The following TECTA variants were observed in gnomAD, a reference collection of about 807,000 sequenced individuals.
TECTA encodes the protein tectorin alpha.
Under a neutral mutation model 216.8 loss-of-function variants are expected in TECTA, and 128 were observed. The observed-to-expected ratio is 0.59, with a 90% confidence interval of 0.51 to 0.68. The LOEUF is 0.68. TECTA is among the 30% of genes least tolerant of loss of function. The pLI, the probability that TECTA is intolerant of heterozygous loss-of-function variation, is 0.00. For synonymous variants in TECTA, 1,089 were observed against 1,117.1 expected, an observed-to-expected ratio of 0.97 and a Z score of 0.50; for missense variants, 2,551 against 2,786.2, an observed-to-expected ratio of 0.92 and a Z score of 1.90.
At chr11:121,175,939 T>C (rs1228153173) in intron 20 of TECTA, among the ~76,000 whole-genome samples, 1 of 152,206 alleles carries the variant, frequency 6.6e-6, no homozygotes, top group Non-Finnish European at 1.5e-5. Context: ...TTTACCATTA[T>C]GTAATGGCCT....
intron 21 of TECTA, 88 bp downstream of exon 21, chr11:121,188,082 G>A (rs1007673883): frequency 5.2e-5 from 75 of 1,436,516 alleles, no homozygotes; most frequent in Non-Finnish European, 6.4e-5. Context: ...CCAGGTGACC[G>A]GACTGGAATC....
intron 20 of TECTA, among the ~76,000 whole-genome samples, chr11:121,173,580 C>T (rs1220363): frequency 0.98 from 104,169 of 106,034 alleles, 51,197 homozygotes; most frequent in East Asian, 1. Context: ...CCATGCTGTT[C>T]TGGTTACTGT....
At chr11:121,151,536 G>A (rs945234050) in intron 12 of TECTA, among the ~76,000 whole-genome samples, 3 of 152,148 alleles carry the variant, frequency 2.0e-5, no homozygotes, top group Non-Finnish European at 2.9e-5. Flanking sequence ...ATGCTTATGT[G>A]CATACACACA....
At chr11:121,160,496 G>T in intron 15 of TECTA, 75 bp downstream of exon 15, 1 of 1,583,068 alleles carries the variant, frequency 6.3e-7, no homozygotes, top group Admixed American at 1.7e-5. Flanking sequence ...TGTGAATGAG[G>T]AATGCCTTTT....
chr11:121,166,455 T>C, intron 17 of TECTA, 123 bp from the exon 18 acceptor site: 1 of 939,238 alleles, frequency 1.1e-6, no homozygotes, highest in Non-Finnish European at 1.7e-6. Context: ...TTAGAAATGC[T>C]GCAGCCTTGG....
chr11:121,137,358 G>T, intron 10 of TECTA, 63 bp from the exon 11 acceptor site: 4 of 1,608,946 alleles, frequency 2.5e-6, no homozygotes, highest in East Asian at 4.5e-5. Context: ...ATGCATGCAC[G>T]CACACTTCTG....
At chr11:121,147,409 G>C (rs981643069) in intron 12 of TECTA, among the ~76,000 whole-genome samples, 2 of 152,210 alleles carry the variant, frequency 1.3e-5, no homozygotes, top group African/African-American at 4.8e-5. Context: ...GTGGGAGGAA[G>C]ATGAAGGCGG....
intron 12 of TECTA, 30 bp downstream of exon 12, chr11:121,146,146 G>A: frequency 6.3e-7 from 1 of 1,599,588 alleles, no homozygotes; most frequent in Non-Finnish European, 8.5e-7. Context: ...CCTCCTTGTA[G>A]CTTCTCCTCT....
chr11:121,109,075 G>A (rs942158065), intron 3 of TECTA, 136 bp from the exon 4 acceptor site: 39 of 910,960 alleles, frequency 4.3e-5, no homozygotes, highest in African/African-American at 1.2e-4. Context: ...AATGGAACCC[G>A]GTGTTTGGGG....
intron 20 of TECTA, among the ~76,000 whole-genome samples, chr11:121,183,326 G>A (rs59174011): frequency 0.032 from 4,897 of 152,182 alleles, 264 homozygotes; most frequent in African/African-American, 0.11. Context: ...GCTGGAGGGT[G>A]TGCGATTCAG....
chr11:121,159,352 G>A (rs1239369836), intron 14 of TECTA, among the ~76,000 whole-genome samples: 1 of 152,132 alleles, frequency 6.6e-6, no homozygotes, highest in Non-Finnish European at 1.5e-5. Flanking sequence ...GACCACCCAA[G>A]AGAGCAAAAC....
At chr11:121,126,146 T>C (rs561016653) in intron 8 of TECTA, among the ~76,000 whole-genome samples, 2 of 152,298 alleles carry the variant, frequency 1.3e-5, no homozygotes, top group Non-Finnish European at 1.5e-5. Context: ...GGACGGCAGC[T>C]CCAGAGTTGA....
intron 17 of TECTA, 129 bp from the exon 18 acceptor site, chr11:121,166,449 A>G: frequency 2.2e-6 from 2 of 901,030 alleles, no homozygotes; most frequent in Non-Finnish European, 3.6e-6. Flanking sequence ...GCATAATTAG[A>G]AATGCTGCAG....
intron 6 of TECTA, among the ~76,000 whole-genome samples, chr11:121,118,069 A>G (rs1427053935): frequency 6.6e-6 from 1 of 152,220 alleles, no homozygotes; most frequent in Admixed American, 6.5e-5. Flanking sequence ...GACGGGATTC[A>G]GACAGACTCC....
chr11:121,147,444 C>G (rs1946848530), intron 12 of TECTA, among the ~76,000 whole-genome samples: 1 of 152,128 alleles, frequency 6.6e-6, no homozygotes. Context: ...CCCATTTCAT[C>G]CAGGCTCAGT....
In TECTA at chr11:121,168,132, G is replaced by T; in HGVS notation, c.5665G>T (p.Asp1889Tyr). Residue 1889 changes from aspartate (D) to tyrosine (Y), a missense_variant, in exon 19 of 24, where the codon GAC becomes TAC. Asp to Tyr is a radical substitution (Grantham distance 160). Coordinates refer to ENST00000392793, the MANE Select transcript of TECTA (RefSeq NM_005422.4). ...CAACACTGGCAACATCATCACCAGG[G>T]ACCGCACGATCAATGTGGAATTTTC... ...ANNTGNIITR[D>Y]RTINVEFSCA... 6.2e-7 allele frequency: 1 copy of T among 1,614,192 alleles called. No homozygotes were observed. The highest frequency in any genetic ancestry group is 8.5e-7 in the Non-Finnish European group (1 of 1,180,032).
At chr11:121,140,744 C>T (rs1488892299) in intron 11 of TECTA, among the ~76,000 whole-genome samples, 2 of 152,170 alleles carry the variant, frequency 1.3e-5, no homozygotes, top group African/African-American at 4.8e-5. Context: ...TCTCTGCCTC[C>T]GCCTTTACAT....
intron 4 of TECTA, among the ~76,000 whole-genome samples, chr11:121,111,925 C>T (rs1483211941): frequency 6.6e-6 from 1 of 152,176 alleles, no homozygotes; most frequent in African/African-American, 2.4e-5. Flanking sequence ...TGTTCTTACT[C>T]ATAGCTTGCC....
chr11:121,183,902 C>G (rs972958345), intron 20 of TECTA, among the ~76,000 whole-genome samples: 5 of 152,150 alleles, frequency 3.3e-5, no homozygotes, highest in African/African-American at 1.2e-4. Context: ...ATCCTCCCAC[C>G]TCAGCCTCCT....
Sources: allele counts gnomAD v4.1 joint callset (sites outside exome capture counted in the v4.1 genomes callset), GRCh38; gene constraint gnomAD v4.1.1; transcripts MANE v1.5; gene names NCBI Gene and HGNC (gene_info 2026-07-23, HGNC 2026-07-21).